ASTN2: variants seen among roughly 807,000 people sequenced by gnomAD.
ASTN2 encodes astrotactin-2.
ASTN2 carries 54 observed loss-of-function variants against 139.8 expected under a neutral mutation model. The ratio of observed to expected loss-of-function variants is 0.39; its 90% CI spans 0.31 to 0.48. The LOEUF is 0.48. ASTN2 is among the 20% of genes least tolerant of loss of function. The probability of loss-of-function intolerance (pLI) is 0.95; values close to 1 mark genes in which losing one functional copy is unlikely to be tolerated. For missense variants in ASTN2, 1,565 were observed against 1,725.1 expected (o/e 0.91, Z 1.64); for synonymous variants, 756 against 719.5 (o/e 1.05, Z -0.81).
At chr9:117,198,580 C>T (rs1407603725) in intron 3 of ASTN2, among the ~76,000 whole-genome samples, 2 of 152,064 alleles carry the variant, frequency 1.3e-5, no homozygotes, top group Non-Finnish European at 2.9e-5. Context: ...CTTGCTATTA[C>T]AAATAGTGCT....
intron 10 of ASTN2, among the ~76,000 whole-genome samples, chr9:116,932,900 A>T (rs1834944261): frequency 6.6e-6 from 1 of 150,664 alleles, no homozygotes; most frequent in Admixed American, 6.6e-5. Flanking sequence ...CAGCTACTCC[A>T]GAGGCTGAGG....
At chr9:116,509,543 C>G (rs1052052968) in intron 19 of ASTN2, among the ~76,000 whole-genome samples, 14 of 152,162 alleles carry the variant, frequency 9.2e-5, no homozygotes, top group Non-Finnish European at 1.3e-4. Flanking sequence ...ATGGCTGGGT[C>G]AAATGGTATT....
chr9:116,539,132 G>C (rs1465662091), intron 19 of ASTN2, among the ~76,000 whole-genome samples: 12 of 152,170 alleles, frequency 7.9e-5, no homozygotes, highest in Admixed American at 6.5e-4. Context: ...GAAATGTTCA[G>C]AGTAGGCAAA....
At chr9:117,329,925 A>G (rs1326070461) in intron 1 of ASTN2, among the ~76,000 whole-genome samples, 1 of 152,134 alleles carries the variant, frequency 6.6e-6, no homozygotes, top group Non-Finnish European at 1.5e-5. Flanking sequence ...TAATTCTCAA[A>G]CTGCCCCATG....
intron 16 of ASTN2, among the ~76,000 whole-genome samples, chr9:116,670,222 T>C (rs912449697): frequency 3.9e-5 from 6 of 152,230 alleles, no homozygotes; most frequent in African/African-American, 1.2e-4. Context: ...TTATTGTTTA[T>C]AACAGCTAGT....
At chr9:116,761,844 A>G (rs1222799061) in intron 13 of ASTN2, among the ~76,000 whole-genome samples, 2 of 152,166 alleles carry the variant, frequency 1.3e-5, no homozygotes, top group Non-Finnish European at 2.9e-5. Flanking sequence ...TCTGGCTGCT[A>G]TATGGAGAAT....
At chr9:117,135,263 A>C (rs1829924234) in intron 4 of ASTN2, among the ~76,000 whole-genome samples, 1 of 152,226 alleles carries the variant, frequency 6.6e-6, no homozygotes, top group African/African-American at 2.4e-5. Flanking sequence ...CAAGTGACTG[A>C]AACTGTGTAA....
At chr9:117,098,094 C>T (rs1564424668) in intron 4 of ASTN2, among the ~76,000 whole-genome samples, 2 of 152,132 alleles carry the variant, frequency 1.3e-5, no homozygotes, top group Non-Finnish European at 2.9e-5. Flanking sequence ...CTGTCCAACT[C>T]CAAATTTGGT....
At chr9:117,082,582 A>T (rs1291923132) in intron 5 of ASTN2, among the ~76,000 whole-genome samples, 1 of 152,160 alleles carries the variant, frequency 6.6e-6, no homozygotes, top group African/African-American at 2.4e-5. Context: ...CAGGCAGATC[A>T]CCTGAGGTCA....
intron 3 of ASTN2, among the ~76,000 whole-genome samples, chr9:117,153,055 C>T (rs1222464083): frequency 6.6e-6 from 1 of 152,046 alleles, no homozygotes; most frequent in Non-Finnish European, 1.5e-5. Flanking sequence ...AGATAGAGTA[C>T]ACTTCATTGC....
At chr9:117,061,634 G>A (rs187249490) in intron 5 of ASTN2, among the ~76,000 whole-genome samples, 11 of 152,228 alleles carry the variant, frequency 7.2e-5, no homozygotes, top group East Asian at 1.9e-4. Context: ...GCCATAAATC[G>A]TGTATAACAA....
rs1856889261 is a variant in ASTN2, at chr9:116,633,066, G to T, written c.3073-12623C>A. Among the ~76,000 whole-genome samples the T allele has an allele frequency of 2.6e-5, 4 of 152,294 alleles. No individual in the cohort carries two copies. In the South Asian group the frequency reaches 6.2e-4, roughly 24 times the overall value. Reference sequence around the variant, plus strand: ...CTTAGTAGACCTGCTCAGTCATCGGGGCAATAGATTGTGCTTACATTGTTC... The same window carrying T: ...CTTAGTAGACCTGCTCAGTCATCGGTGCAATAGATTGTGCTTACATTGTTC... On this transcript the variant is annotated intron_variant, in intron 17 of 22. Coordinates refer to ENST00000313400, the MANE Select transcript of ASTN2 (RefSeq NM_001365068.1).
intron 1 of ASTN2, among the ~76,000 whole-genome samples, chr9:117,331,636 G>T (rs1828711301): frequency 6.6e-6 from 1 of 152,162 alleles, no homozygotes; most frequent in Non-Finnish European, 1.5e-5. Context: ...CAAGCACATG[G>T]CCTATGGTGG....
intron 10 of ASTN2, among the ~76,000 whole-genome samples, chr9:116,923,837 C>T (rs1347521872): frequency 6.6e-6 from 1 of 152,188 alleles, no homozygotes; most frequent in Admixed American, 6.5e-5. Flanking sequence ...CACCTTGCTC[C>T]AGTGCCAGGG....
intron 3 of ASTN2, among the ~76,000 whole-genome samples, chr9:117,185,564 T>C (rs973361205): frequency 6.6e-6 from 1 of 152,174 alleles, no homozygotes; most frequent in African/African-American, 2.4e-5. Flanking sequence ...AGTCAGATAG[T>C]TCCAGATTAG....
intron 1 of ASTN2, among the ~76,000 whole-genome samples, chr9:117,313,211 C>T (rs938631275): frequency 1.3e-5 from 2 of 152,198 alleles, no homozygotes; most frequent in Admixed American, 6.5e-5. Flanking sequence ...TGGAAAGAGC[C>T]TTGAGGAGGG....
chr9:116,765,212 C>G (rs139318193), intron 13 of ASTN2, among the ~76,000 whole-genome samples: 35 of 152,246 alleles, frequency 2.3e-4, no homozygotes, highest in Non-Finnish European at 4.9e-4. Context: ...TGAACCTTTC[C>G]TTGCAGAGAA....
At chr9:116,953,676 T>A (rs1291647084) in intron 10 of ASTN2, among the ~76,000 whole-genome samples, 1 of 152,252 alleles carries the variant, frequency 6.6e-6, no homozygotes, top group African/African-American at 2.4e-5. Flanking sequence ...ATGGGTTCCC[T>A]GTATTGAGCA....
intron 16 of ASTN2, among the ~76,000 whole-genome samples, chr9:116,675,266 A>G (rs939435763): frequency 6.6e-6 from 1 of 152,156 alleles, no homozygotes; most frequent in Admixed American, 6.5e-5. Flanking sequence ...CTGTAGCCCT[A>G]TCACAGGGTG....
Sources: gnomAD v4.1 joint callset for allele counts (sites outside exome capture counted in the v4.1 genomes callset) on GRCh38, gnomAD v4.1.1 for gene constraint, MANE v1.5 for transcripts, NCBI Gene and HGNC (gene_info 2026-07-23, HGNC 2026-07-21) for gene names.